The following AGAP3 variants were observed in gnomAD, a reference collection of about 807,000 sequenced individuals.
The protein encoded by AGAP3 is arf-GAP with GTPase, ANK repeat and PH domain-containing protein 3.
Under a neutral mutation model 96.9 loss-of-function variants are expected in AGAP3, and 24 were observed. That is an observed-to-expected ratio of 0.25 (90% CI 0.18 to 0.35). The LOEUF is 0.35. Among genes scored for constraint, AGAP3 ranks in the 10% least tolerant of loss-of-function variants. The pLI is 1.00. For synonymous variants in AGAP3, 563 were observed against 536.1 expected, an observed-to-expected ratio of 1.05 and a Z score of -0.69; for missense variants, 876 against 1,254.2, an observed-to-expected ratio of 0.70 and a Z score of 4.55.
chr7:151,089,459 AGGGGC>A (rs1798300470), intron 1 of AGAP3, among the ~76,000 whole-genome samples: 1 of 150,776 alleles, frequency 6.6e-6, no homozygotes. Flanking sequence ...CTCGGTGGAA[AGGGGC>A]GGCAGTTCCG....
In AGAP3 at chr7:151,140,144, C is replaced by T. The variant is rs372464958; in HGVS notation, c.1804+28C>T. The stretch of plus-strand genomic sequence containing the variant: ...TAGGGGGACCCAGAGGGAAACCGGG[C>T]ACAGGAGGTGGGCAGTGGGACTTGG... On this transcript the variant is annotated intron_variant, in intron 13 of 17. Transcript: ENST00000397238. The surrounding 1 kb of genome is among the most constrained non-coding windows in gnomAD (Gnocchi z 5.4). The T allele has an allele frequency of 1.4e-5, 22 of 1,544,124 alleles. No homozygotes were observed. In the African/African-American group the frequency reaches 2.6e-4, roughly 19 times the overall value.
In AGAP3 at chr7:151,144,323, CGAG is replaced by C. The variant is rs1563539551; in HGVS notation, c.*382_*384del. On this transcript the variant is annotated 3_prime_UTR_variant, in exon 18 of 18. Transcript: ENST00000397238. ...AGTTGGGGGTGCTGGATGAAAGAGA[CGAG>C]GGGTGATCTGTGAGTCCCATGTAAA... 1.1e-5 allele frequency: 3 copies of C among 264,634 alleles called. No homozygotes were observed. Among genetic ancestry groups the C allele is most frequent in the Non-Finnish European group, 2.2e-5 (3 of 138,692 alleles). 16.4% of individuals were successfully genotyped at this position (264,634 alleles called of 1,614,324 possible). A position where few individuals can be genotyped will look rare whatever the true frequency, so the allele number is the denominator to read the frequency against.
chr7:151,088,372 A>G (rs1368986461), intron 1 of AGAP3, among the ~76,000 whole-genome samples: 1 of 152,202 alleles, frequency 6.6e-6, no homozygotes. Context: ...TAATTAGGTG[A>G]CAGAAAAAAC....
chr7:151,131,316 A>G (rs1377186632), intron 10 of AGAP3: 3 of 152,256 alleles, frequency 2.0e-5, no homozygotes, highest in Non-Finnish European at 2.9e-5. Flanking sequence ...AAACTAATTG[A>G]ATGTGGCTTA....
chr7:151,096,477 CTT>C lies in AGAP3; in HGVS notation c.331+9417_331+9418del, dbSNP rs959832058. 3.4e-5 allele frequency among the ~76,000 whole-genome samples: 5 copies of C among 144,954 alleles called. No individual in the cohort carries two copies. Among genetic ancestry groups the C allele is most frequent in the Admixed American group, 6.9e-5 (1 of 14,498 alleles). On this transcript the variant is annotated intron_variant, in intron 1 of 17. Coordinates refer to ENST00000397238, the MANE Select transcript of AGAP3 (RefSeq NM_031946.7). This position sits in a 1 kb window ranked among gnomAD's most constrained non-coding sequence, Gnocchi z 4.4. ...CACGTGTGAACTTAAATTTTCTTTT[CTT>C]TTTTTTTTTTTGAGGTGGAGTCTCG...
intron 1 of AGAP3, among the ~76,000 whole-genome samples, chr7:151,093,164 C>T (rs1275696536): frequency 6.6e-6 from 1 of 152,136 alleles, no homozygotes; most frequent in African/African-American, 2.4e-5. Flanking sequence ...TTTTTGGAGA[C>T]AGGGTCTCCC....
In AGAP3 at chr7:151,096,155, G is replaced by A. The variant is rs960566759; in HGVS notation, c.331+9083G>A. Among the ~76,000 whole-genome samples, 27 of 152,348 alleles carry A rather than the reference G, an allele frequency of 1.8e-4. No individual in the cohort carries two copies. Among genetic ancestry groups the A allele is most frequent in the African/African-American group, 4.1e-4 (17 of 41,594 alleles). On this transcript the variant is annotated intron_variant, in intron 1 of 17. Coordinates refer to ENST00000397238, the MANE Select transcript of AGAP3 (RefSeq NM_031946.7). The surrounding 1 kb of genome is among the most constrained non-coding windows in gnomAD (Gnocchi z 4.4). ...CCTGAGGATGTGCGTGCTGGGTGGCGACTGTCTCATTACTTGTCTCAGAGG... is the reference window on the plus strand; with the variant it reads ...CCTGAGGATGTGCGTGCTGGGTGGCAACTGTCTCATTACTTGTCTCAGAGG...
rs746194907 is a variant in AGAP3, at chr7:151,117,736, G to A, written c.665G>A (p.Arg222His). 3.1e-6 allele frequency: 5 copies of A among 1,614,162 alleles called. No homozygotes were observed. The highest frequency in any genetic ancestry group is 4.2e-6 in the Non-Finnish European group (5 of 1,180,010). The change falls in exon 5 of 18, where the codon CGC becomes CAC. Residue 222 changes from arginine (R) to histidine (H), a missense_variant. Transcript: ENST00000397238. ...TACTTCCTGCGTCTCTGCAGCTTCCGCAACGCCAGCGAGGTGCCCATGGTG... is the reference window on the plus strand; with the variant it reads ...TACTTCCTGCGTCTCTGCAGCTTCCACAACGCCAGCGAGGTGCCCATGGTG... ...YNYFLRLCSF[R>H]NASEVPMVLV...
chr7:151,133,794 A>G lies in AGAP3; in HGVS notation c.1327-606A>G, dbSNP rs1584779315. Among the ~76,000 whole-genome samples the G allele has an allele frequency of 6.6e-6, 1 of 152,200 alleles. No individual in the cohort carries two copies. The highest frequency in any genetic ancestry group is 6.5e-5 in the Admixed American group (1 of 15,282). ...ACCCTGCACGCGACAGGCAGATGACATGACGGCGATGACGATGACTGCCGC... is the reference window on the plus strand; with the variant it reads ...ACCCTGCACGCGACAGGCAGATGACGTGACGGCGATGACGATGACTGCCGC... On this transcript the variant is annotated intron_variant, in intron 10 of 17. Coordinates refer to ENST00000397238, the MANE Select transcript of AGAP3 (RefSeq NM_031946.7). The surrounding 1 kb of genome is among the most constrained non-coding windows in gnomAD (Gnocchi z 5.4).
In AGAP3 at chr7:151,123,785, C is replaced by G. The variant is rs746195034; in HGVS notation, c.1129-9C>G. The G allele has an allele frequency of 6.2e-6, 10 of 1,613,010 alleles. No individual in the cohort carries two copies. The highest frequency in any genetic ancestry group is 4.0e-5 in the African/African-American group (3 of 74,938). On this transcript the variant is annotated splice_polypyrimidine_tract_variant and intron_variant, in intron 8 of 17. Coordinates refer to ENST00000397238, the MANE Select transcript of AGAP3 (RefSeq NM_031946.7). ...GCCTCTTTAACACGCCTCTTGTTTT[C>G]TCTTCCAGTCTCGGAAGGGTGCTGA...
Position 151,139,372 on chromosome 7 carries a change from AAGGGGAGCC to A in AGAP3, c.1667-601_1667-593del, listed in dbSNP as rs1451123607. Among the ~76,000 whole-genome samples the A allele has an allele frequency of 1.3e-5, 2 of 152,098 alleles. No homozygotes were observed. The highest frequency in any genetic ancestry group is 4.8e-5 in the African/African-American group (2 of 41,422). ...GAGAAGTGAGCTTGGAGCGCATGAG[AAGGGGAGCC>A]AGGGGCCCTTCCCTTGGGTCACCGG... On this transcript the variant is annotated intron_variant, in intron 12 of 17. Coordinates refer to ENST00000397238, the MANE Select transcript of AGAP3 (RefSeq NM_031946.7). The surrounding 1 kb of genome is among the most constrained non-coding windows in gnomAD (Gnocchi z 4.9).
chr7:151,121,428 G>A (rs1380174502), intron 8 of AGAP3, among the ~76,000 whole-genome samples: 1 of 152,084 alleles, frequency 6.6e-6, no homozygotes, highest in Non-Finnish European at 1.5e-5. Context: ...CCTACTGCCA[G>A]GGCCTGGGCA....
chr7:151,098,674 G>A (rs1452815101), intron 1 of AGAP3, among the ~76,000 whole-genome samples: 1 of 151,030 alleles, frequency 6.6e-6, no homozygotes. Context: ...AATAACAAAT[G>A]CCTGTTGGTT....
intron 8 of AGAP3, chr7:151,122,940 A>C: frequency 6.9e-7 from 1 of 1,445,178 alleles, no homozygotes; most frequent in Non-Finnish European, 9.0e-7. Flanking sequence ...CCCCACCCCC[A>C]GGGAAGGCTA....
Position 151,139,850 on chromosome 7 carries a change from C to T in AGAP3, c.1667-129C>T, listed in dbSNP as rs532665903. On this transcript the variant is annotated intron_variant, in intron 12 of 17. Transcript: ENST00000397238. This position sits in a 1 kb window ranked among gnomAD's most constrained non-coding sequence, Gnocchi z 4.9. Reference sequence around the variant, plus strand: ...CAGACCTCGCCTAGAGAGAGGTGTCCGTCTGGCTCTCCTGAGTGTGGCCCA... The same window carrying T: ...CAGACCTCGCCTAGAGAGAGGTGTCTGTCTGGCTCTCCTGAGTGTGGCCCA... The T allele has an allele frequency of 7.9e-6, 7 of 887,204 alleles. No individual in the cohort carries two copies. Among genetic ancestry groups the T allele is most frequent in the Admixed American group, 8.3e-5 (2 of 24,010 alleles). 55.0% of individuals were successfully genotyped at this position (887,204 alleles called of 1,614,324 possible).
At chr7:151,107,028 G>A (rs912209635) in intron 1 of AGAP3, among the ~76,000 whole-genome samples, 12 of 152,136 alleles carry the variant, frequency 7.9e-5, no homozygotes, top group South Asian at 2.1e-4. Flanking sequence ...AATATTTTGC[G>A]GCCGGGCGTG....
Position 151,114,827 on chromosome 7 carries a change from C to T in AGAP3, c.332-1966C>T, listed in dbSNP as rs1585067903. 1.9e-6 allele frequency: 2 copies of T among 1,055,368 alleles called. No homozygotes were observed. Among genetic ancestry groups the T allele is most frequent in the Non-Finnish European group, 2.3e-6 (2 of 876,380 alleles). The allele number at this position is 1,055,368 out of a possible 1,614,324, so 65.4% of individuals were successfully genotyped here. ...GTCCCGGGGAGCGGCCCGCCGCTTG[C>T]CGCCGCGCCCACAGCGTCTGCGACT... On this transcript the variant is annotated intron_variant, in intron 1 of 17. Transcript: ENST00000397238. The surrounding 1 kb of genome is among the most constrained non-coding windows in gnomAD (Gnocchi z 4.4).
intron 1 of AGAP3, among the ~76,000 whole-genome samples, chr7:151,091,844 G>C (rs1331469409): frequency 6.6e-6 from 1 of 152,208 alleles, no homozygotes; most frequent in Non-Finnish European, 1.5e-5. Flanking sequence ...CAATCTTCCT[G>C]TATCATTTAT....
intron 1 of AGAP3, among the ~76,000 whole-genome samples, chr7:151,098,441 A>G (rs1166510641): frequency 6.6e-6 from 1 of 152,138 alleles, no homozygotes; most frequent in Non-Finnish European, 1.5e-5. Flanking sequence ...AGGTGGGCAG[A>G]TCACTTGAGA....
Sources: gnomAD v4.1 joint callset for allele counts (sites outside exome capture counted in the v4.1 genomes callset) on GRCh38, gnomAD v4.1.1 for gene constraint, Gnocchi (gnomAD v3.1) non-coding constraint, MANE v1.5 for transcripts, NCBI Gene and HGNC (gene_info 2026-07-23, HGNC 2026-07-21) for gene names.